NRG1: variants seen among roughly 807,000 people sequenced by gnomAD.
NRG1 encodes the protein pro-neuregulin-1, membrane-bound isoform.
A neutral mutation model predicts 63.8 loss-of-function variants in NRG1; 18 were observed. The observed-to-expected ratio is 0.28, with a 90% CI of 0.19 to 0.42. The LOEUF is 0.42. Among genes scored for constraint, NRG1 ranks in the 10% least tolerant of loss-of-function variants. NRG1 has a pLI of 1.00. For missense variants in NRG1, 762 were observed against 814.7 expected (o/e 0.94, Z 0.79); for synonymous variants, 302 against 301.3 (o/e 1.00, Z -0.02).
intron 1 of NRG1, among the ~76,000 whole-genome samples, chr8:32,406,656 CA>C (rs1169475815): frequency 2.0e-5 from 3 of 152,056 alleles, no homozygotes; most frequent in African/African-American, 4.8e-5. Flanking sequence ...GTCTCCTACC[CA>C]AAGTTTATTC....
chr8:32,601,430 T>C (rs1459622516), intron 2 of NRG1, among the ~76,000 whole-genome samples: 4 of 152,150 alleles, frequency 2.6e-5, no homozygotes, highest in African/African-American at 9.6e-5. Flanking sequence ...AAAACCTAAC[T>C]CTTTCACAAG....
chr8:32,678,970 A>G (rs1271095091), intron 5 of NRG1, among the ~76,000 whole-genome samples: 1 of 152,008 alleles, frequency 6.6e-6, no homozygotes, highest in African/African-American at 2.4e-5. Flanking sequence ...ATGTAAGTTG[A>G]AAAATATAAG....
At chr8:32,693,084 T>G (rs1338501261) in intron 5 of NRG1, among the ~76,000 whole-genome samples, 1 of 152,224 alleles carries the variant, frequency 6.6e-6, no homozygotes, top group African/African-American at 2.4e-5. Context: ...AGGAAGAGAC[T>G]GGAGTGAGGG....
rs184947766 is a variant in NRG1 at position 32,591,859 on chromosome 8, G to A, written c.101-3969G>A. On this transcript the variant is annotated intron_variant, in intron 1 of 11. Coordinates refer to ENST00000356819, the Ensembl canonical transcript of NRG1. The stretch of plus-strand genomic sequence containing the variant: ...TGGGTACTATGCTTATTACTTGGAC[G>A]ATGAAATCATCTGTGCAGCAAACCC... Among the ~76,000 whole-genome samples the A allele has an allele frequency of 3.9e-5, 6 of 152,008 alleles. No homozygotes were observed. The East Asian group carries it at 1.2e-3, about 29-fold the overall frequency.
intron 1 of NRG1, among the ~76,000 whole-genome samples, chr8:31,783,302 G>T (rs1819866569): frequency 1.3e-5 from 2 of 152,150 alleles, no homozygotes; most frequent in African/African-American, 2.4e-5. Flanking sequence ...ACCTTGGGAA[G>T]ATTGTGTTTT....
chr8:32,401,958 T>A (rs1465268370), intron 1 of NRG1, among the ~76,000 whole-genome samples: 1 of 152,226 alleles, frequency 6.6e-6, no homozygotes, highest in Non-Finnish European at 1.5e-5. Flanking sequence ...TTGCCCAGGC[T>A]GGAGTGCAGT....
intron 5 of NRG1, among the ~76,000 whole-genome samples, chr8:32,625,509 G>A (rs1007229422): frequency 1.1e-4 from 16 of 152,190 alleles, no homozygotes; most frequent in African/African-American, 3.6e-4. Flanking sequence ...AGGAGAGAGC[G>A]AGAGAGAGAA....
chr8:32,404,284 A>C (rs1813646424), intron 1 of NRG1, among the ~76,000 whole-genome samples: 1 of 152,124 alleles, frequency 6.6e-6, no homozygotes, highest in Non-Finnish European at 1.5e-5. Flanking sequence ...AATGACAAAA[A>C]TCAGGGAAGG....
At chr8:32,530,350 G>T (rs972920918) in intron 1 of NRG1, among the ~76,000 whole-genome samples, 1 of 151,962 alleles carries the variant, frequency 6.6e-6, no homozygotes, top group African/African-American at 2.4e-5. Flanking sequence ...CTTGTGATCC[G>T]CCCGCCTCGG....
chr8:32,413,565 C>T (rs1041496042), intron 1 of NRG1, among the ~76,000 whole-genome samples: 1 of 152,138 alleles, frequency 6.6e-6, no homozygotes, highest in Admixed American at 6.6e-5. Flanking sequence ...GCTGGGATTA[C>T]ACACATCCCT....
At chr8:32,159,223 G>A (rs1838526868) in intron 1 of NRG1, among the ~76,000 whole-genome samples, 1 of 152,212 alleles carries the variant, frequency 6.6e-6, no homozygotes, top group Non-Finnish European at 1.5e-5. Flanking sequence ...TACATTGATT[G>A]TTTTAGTTTT....
At chr8:31,968,032 A>T (rs1018400897) in intron 1 of NRG1, among the ~76,000 whole-genome samples, 1 of 152,194 alleles carries the variant, frequency 6.6e-6, no homozygotes, top group African/African-American at 2.4e-5. Context: ...TCAGTTCTTC[A>T]TATTGCCTTA....
chr8:32,168,380 C>T (rs1839632239), intron 1 of NRG1, among the ~76,000 whole-genome samples: 1 of 152,204 alleles, frequency 6.6e-6, no homozygotes, highest in Non-Finnish European at 1.5e-5. Context: ...GTTCTGATAT[C>T]TGGTGTGCAT....
intron 1 of NRG1, among the ~76,000 whole-genome samples, chr8:32,311,000 C>T (rs1489905449): frequency 3.9e-5 from 6 of 152,134 alleles, no homozygotes; most frequent in Non-Finnish European, 7.3e-5. Context: ...TCCTAAATAC[C>T]TCTTGGGTTC....
At chr8:32,609,543 C>A (rs1845924485) in intron 3 of NRG1, among the ~76,000 whole-genome samples, 1 of 143,390 alleles carries the variant, frequency 7.0e-6, no homozygotes, top group African/African-American at 2.7e-5. Flanking sequence ...CAAGAATTTC[C>A]TTCCCTCCCT....
chr8:32,764,963 C>A (rs1457142145), exon 12 of NRG1: 2 of 152,054 alleles, frequency 1.3e-5, no homozygotes, highest in Non-Finnish European at 2.9e-5. Flanking sequence ...CAGCATGCTA[C>A]TATTAAATAC....
At position 32,366,216 on chromosome 8, in the gene NRG1, C is replaced by A. The variant is rs115239574; in HGVS notation, c.38-229612C>A. ...TTTGTGTTGGGAACAATCCAAATCT[C>A]TCCTAGATGTTTTGAAATATACAAT... On this transcript the variant is annotated intron_variant, in intron 1 of 10. Transcript: ENST00000519301. 9.6e-3 allele frequency among the ~76,000 whole-genome samples: 1,457 copies of A among 152,184 alleles called. 22 individuals are homozygous for A. The highest frequency in any genetic ancestry group is 0.028 in the African/African-American group (1,148 of 41,514).
chr8:32,672,817 G>A (rs182684835), intron 5 of NRG1, among the ~76,000 whole-genome samples: 2 of 152,066 alleles, frequency 1.3e-5, no homozygotes, highest in African/African-American at 2.4e-5. Flanking sequence ...GTTCTCTGAG[G>A]CATTTAGCTC....
chr8:32,150,066 A>G (rs1018888530), intron 1 of NRG1, among the ~76,000 whole-genome samples: 2 of 152,216 alleles, frequency 1.3e-5, no homozygotes, highest in Admixed American at 6.5e-5. Flanking sequence ...CCATTTGCTT[A>G]TAAGAAGGCA....
Sources: allele counts gnomAD v4.1 joint callset (sites outside exome capture counted in the v4.1 genomes callset), GRCh38; gene constraint gnomAD v4.1.1; transcripts MANE v1.5; gene names NCBI Gene and HGNC (gene_info 2026-07-23, HGNC 2026-07-21).